TM9SF2: variants seen among roughly 807,000 people sequenced by gnomAD.
The protein encoded by TM9SF2 is 76 kDa membrane protein.
A neutral mutation model predicts 84.9 loss-of-function variants in TM9SF2; 13 were observed. That is an observed-to-expected ratio of 0.15 (90% CI 0.10 to 0.24). The LOEUF is 0.24. TM9SF2 is among the 10% of genes least tolerant of loss of function. TM9SF2 has a pLI of 1.00. For synonymous variants in TM9SF2, 273 were observed against 285.8 expected, an observed-to-expected ratio of 0.96 and a Z score of 0.45; for missense variants, 562 against 818.5, an observed-to-expected ratio of 0.69 and a Z score of 3.82.
intron 4 of TM9SF2, among the ~76,000 whole-genome samples, chr13:99,531,617 A>G (rs1030138893): frequency 9.9e-5 from 15 of 152,196 alleles, no homozygotes; most frequent in African/African-American, 3.6e-4. Context: ...CCTGAACCCC[A>G]TAAGAATGGG....
intron 4 of TM9SF2, 35 bp from the exon 5 acceptor site, chr13:99,536,572 GT>G (rs754379990): frequency 6.3e-7 from 1 of 1,599,600 alleles, no homozygotes; most frequent in Non-Finnish European, 8.5e-7. Flanking sequence ...TGTTTGGTGG[GT>G]TCTTTTCTAA....
chr13:99,547,300 G>A (rs2046286954), intron 11 of TM9SF2, among the ~76,000 whole-genome samples, 196 bp downstream of exon 11: 1 of 152,182 alleles, frequency 6.6e-6, no homozygotes, highest in Non-Finnish European at 1.5e-5. Context: ...GTTCGAAAAT[G>A]TTTAGTGAAA....
At chr13:99,517,717 A>T in intron 2 of TM9SF2, 36 bp downstream of exon 2, 1 of 1,435,584 alleles carries the variant, frequency 7.0e-7, no homozygotes, top group Non-Finnish European at 9.5e-7. Flanking sequence ...ATAAAATTTT[A>T]TGTGACTCAT....
At position 99,530,469 on chromosome 13, in the gene TM9SF2, C is replaced by T. The variant is rs539283621; in HGVS notation, c.461+875C>T. On this transcript the variant is annotated intron_variant, in intron 4 of 16. Transcript: ENST00000376387. Reference sequence around the variant, plus strand: ...GAATGGCACTGATAGATTTGCTTAACGCAAGGATGCCACAAACCTTCAATT... The same window carrying T: ...GAATGGCACTGATAGATTTGCTTAATGCAAGGATGCCACAAACCTTCAATT... Among the ~76,000 whole-genome samples, 220 of 152,234 alleles carry T rather than the reference C, an allele frequency of 1.4e-3. 1 individual carries two copies. Among genetic ancestry groups the T allele is most frequent in the Non-Finnish European group, 2.5e-3 (170 of 67,994 alleles).
intron 1 of TM9SF2, chr13:99,514,442 T>C (rs1339010759): frequency 6.6e-6 from 1 of 152,258 alleles, no homozygotes; most frequent in East Asian, 1.9e-4. Context: ...CAGTATTTAG[T>C]ACAATCCCAT....
intron 1 of TM9SF2, among the ~76,000 whole-genome samples, chr13:99,505,810 G>A (rs1016952096): frequency 6.6e-6 from 1 of 152,208 alleles, no homozygotes; most frequent in Non-Finnish European, 1.5e-5. Flanking sequence ...GTGAAGATTA[G>A]TGAGCAGTTC....
chr13:99,522,713 C>G (rs563246359), intron 3 of TM9SF2, among the ~76,000 whole-genome samples: 2 of 152,274 alleles, frequency 1.3e-5, no homozygotes, highest in African/African-American at 4.8e-5. Flanking sequence ...CAGCAGGAGT[C>G]CCTAGCAGGA....
In TM9SF2 at chr13:99,521,550, G is replaced by A. The variant is rs537175357; in HGVS notation, c.333+1421G>A. ...ATTTATTATCTGTCCAGCAAATCCC[G>A]AAGCCTAGATTCATCTCACCAACCG... On this transcript the variant is annotated intron_variant, in intron 3 of 16. Transcript: ENST00000376387. Among the ~76,000 whole-genome samples the A allele has an allele frequency of 1.1e-4, 16 of 152,170 alleles. No homozygotes were observed. The East Asian group carries it at 2.5e-3, about 24-fold the overall frequency.
intron 7 of TM9SF2, 36 bp downstream of exon 7, chr13:99,539,593 T>C: frequency 2.2e-6 from 3 of 1,334,346 alleles, no homozygotes; most frequent in Non-Finnish European, 3.2e-6. Context: ...AACTCTGAAA[T>C]TGATTTTAAA....
chr13:99,533,906 T>TAAGA (rs2046222263), intron 4 of TM9SF2, among the ~76,000 whole-genome samples: 1 of 152,328 alleles, frequency 6.6e-6, no homozygotes, highest in East Asian at 1.9e-4. Flanking sequence ...CCTGACCTCT[T>TAAGA]GATCTACCCA....
intron 1 of TM9SF2, among the ~76,000 whole-genome samples, chr13:99,505,011 A>T (rs1168061493): frequency 1.3e-5 from 2 of 152,034 alleles, no homozygotes; most frequent in Admixed American, 1.3e-4. Flanking sequence ...AGACAAGAAG[A>T]AGTTTTTAGT....
intron 2 of TM9SF2, among the ~76,000 whole-genome samples, chr13:99,518,080 GT>G: frequency 6.6e-6 from 1 of 152,030 alleles, no homozygotes; most frequent in African/African-American, 2.4e-5. Flanking sequence ...ATACATTTTT[GT>G]TTTAAACAGA....
At chr13:99,552,560 G>T (rs1268021084) in intron 13 of TM9SF2, among the ~76,000 whole-genome samples, 1 of 152,076 alleles carries the variant, frequency 6.6e-6, no homozygotes, top group East Asian at 1.9e-4. Flanking sequence ...TAGATTAATT[G>T]GGAAAGAAAT....
chr13:99,535,497 C>A (rs757876255), intron 4 of TM9SF2, among the ~76,000 whole-genome samples: 20 of 152,050 alleles, frequency 1.3e-4, no homozygotes, highest in Admixed American at 5.2e-4. Context: ...TATAACAATG[C>A]GTTTATGCTT....
Position 99,507,342 on chromosome 13 carries a change from CTG to C in TM9SF2, c.171+5567_171+5568del, listed in dbSNP as rs539681318. Among the ~76,000 whole-genome samples the C allele has an allele frequency of 2.4e-4, 37 of 152,306 alleles. No individual in the cohort carries two copies. In the South Asian group the frequency reaches 6.4e-3, roughly 26 times the overall value. On this transcript the variant is annotated intron_variant, in intron 1 of 16. Transcript: ENST00000376387. The stretch of plus-strand genomic sequence containing the variant: ...GACTTTGACAGTTCCAGAAAACACT[CTG>C]TATCTATTATATGTAATTTTCATTT...
Position 99,550,425 on chromosome 13 carries a change from T to G in TM9SF2, c.1328+1203T>G, listed in dbSNP as rs759266782. Among the ~76,000 whole-genome samples, 11 of 152,222 alleles carry G rather than the reference T, an allele frequency of 7.2e-5. No homozygotes were observed. The East Asian group carries it at 7.7e-4, about 11-fold the overall frequency. ...TCCCATTTTCAAATCCAGAAACGAT[T>G]TTCTCTGTATTGTCTAACATTGGAA... On this transcript the variant is annotated intron_variant, in intron 12 of 16. Coordinates refer to ENST00000376387, the MANE Select transcript of TM9SF2 (RefSeq NM_004800.3).
At chr13:99,525,790 C>T (rs1455366733) in intron 3 of TM9SF2, among the ~76,000 whole-genome samples, 1 of 150,828 alleles carries the variant, frequency 6.6e-6, no homozygotes, top group Non-Finnish European at 1.5e-5. Context: ...CTCCGGACCT[C>T]GTGATCTGCC....
At chr13:99,560,961 G>A (rs1170620433) in intron 16 of TM9SF2, among the ~76,000 whole-genome samples, 1 of 152,230 alleles carries the variant, frequency 6.6e-6, no homozygotes, top group Non-Finnish European at 1.5e-5. Context: ...CGGATTGGGC[G>A]TGAGCCACTG....
chr13:99,554,274 A>T, intron 13 of TM9SF2, 30 bp from the exon 14 acceptor site: 3 of 1,600,046 alleles, frequency 1.9e-6, no homozygotes, highest in Non-Finnish European at 2.6e-6. Context: ...ATACGTAATT[A>T]TGAATTCTTC....
Sources: allele counts gnomAD v4.1 joint callset (sites outside exome capture counted in the v4.1 genomes callset), GRCh38; gene constraint gnomAD v4.1.1; transcripts MANE v1.5; gene names NCBI Gene and HGNC (gene_info 2026-07-23, HGNC 2026-07-21).